SOX6: variants seen among roughly 807,000 people sequenced by gnomAD.
The protein encoded by SOX6 is transcription factor SOX-6.
SOX6 carries 11 observed loss-of-function variants against 97.8 expected under a neutral mutation model. The ratio of observed to expected loss-of-function variants is 0.11; its 90% CI spans 0.07 to 0.19. SOX6 has a LOEUF of 0.19. SOX6 is among the 10% of genes least tolerant of loss of function. The pLI is 1.00. For synonymous variants in SOX6, 360 were observed against 371.4 expected (o/e 0.97, Z 0.35); for missense variants, 810 against 1,039.5 (o/e 0.78, Z 3.04).
intron 12 of SOX6, among the ~76,000 whole-genome samples, chr11:16,036,422 T>C (rs189779426): frequency 6.6e-6 from 1 of 152,282 alleles, no homozygotes; most frequent in Admixed American, 6.5e-5. Context: ...TGCTGACTAA[T>C]GGTCTTTCTG....
At chr11:16,091,702 G>A (rs1433656616) in intron 9 of SOX6, among the ~76,000 whole-genome samples, 1 of 151,940 alleles carries the variant, frequency 6.6e-6, no homozygotes, top group Non-Finnish European at 1.5e-5. Flanking sequence ...AATAACGTAT[G>A]GTTGACAGGT....
intron 3 of SOX6, among the ~76,000 whole-genome samples, chr11:16,243,367 G>A (rs569209019): frequency 6.6e-6 from 1 of 151,742 alleles, no homozygotes; most frequent in South Asian, 2.1e-4. Flanking sequence ...TGATGGTCAG[G>A]GAATGTTTCT....
chr11:16,309,056 G>A (rs867941007), intron 3 of SOX6, among the ~76,000 whole-genome samples: 2 of 152,196 alleles, frequency 1.3e-5, no homozygotes, highest in Non-Finnish European at 2.9e-5. Flanking sequence ...ATGCATGCAC[G>A]TGCGTGCACA....
intron 3 of SOX6, among the ~76,000 whole-genome samples, chr11:16,630,253 C>T (rs759447050): frequency 2.6e-5 from 4 of 152,112 alleles, no homozygotes; most frequent in Non-Finnish European, 4.4e-5. Flanking sequence ...TTCAACATTG[C>T]TTTTACTGCA....
At chr11:16,079,702 TGTA>T (rs994547233) in intron 9 of SOX6, among the ~76,000 whole-genome samples, 3 of 152,172 alleles carry the variant, frequency 2.0e-5, no homozygotes, top group African/African-American at 4.8e-5. Context: ...CATTTTCTTC[TGTA>T]TTTTTTAAAT....
In SOX6 at chr11:16,498,588, G is replaced by T. The variant is rs181687397; in HGVS notation, n.610-22200C>A. 5.9e-5 allele frequency among the ~76,000 whole-genome samples: 9 copies of T among 152,178 alleles called. No individual in the cohort carries two copies. The East Asian group carries it at 1.5e-3, about 26-fold the overall frequency. On this transcript the variant is annotated intron_variant and non_coding_transcript_variant, in intron 4 of 5. Coordinates refer to the SOX6 transcript ENST00000524520. The stretch of plus-strand genomic sequence containing the variant: ...CATCTCACGTGCAGAGACACACATA[G>T]GCTCAAAATAAAGGGATGGAGGAAG...
At position 16,370,222 on chromosome 11, in the gene SOX6, C is replaced by T. The variant is rs568165877; in HGVS notation, c.-4-28970G>A. On this transcript the variant is annotated intron_variant, in intron 1 of 15. Coordinates refer to the SOX6 transcript ENST00000396356. ...CCATCAGCCCCATGGCTGGTAGCTG[C>T]TTCATACAGTTATTAATATCTGGGT... is the stretch of plus-strand genomic sequence containing the variant. Among the ~76,000 whole-genome samples the T allele has an allele frequency of 1.3e-4, 20 of 152,264 alleles. No homozygotes were observed. In the South Asian group the frequency reaches 4.1e-3, roughly 32 times the overall value.
At chr11:16,364,377 A>T (rs1857292534) in intron 1 of SOX6, among the ~76,000 whole-genome samples, 1 of 152,160 alleles carries the variant, frequency 6.6e-6, no homozygotes, top group African/African-American at 2.4e-5. Flanking sequence ...CAGCCTATCT[A>T]CTAGCCTAGC....
chr11:15,986,413 G>A lies in SOX6; in HGVS notation c.1974C>T (p.Arg658=), dbSNP rs746313295. Residue 658 remains arginine, a synonymous_variant, in exon 15 of 16, where the codon CGC becomes CGT. Transcript: ENST00000683767. ...TCTCCTGGTTGGACATTGATTTCCA[G>A]CGAGATCCTAGAAATAAAAATAGCC... ...NSNISKILGS[R]WKSMSNQEKQ... 6.2e-6 allele frequency: 10 copies of A among 1,613,938 alleles called. No homozygotes were observed. The Admixed American group carries it at 1.0e-4, about 16-fold the overall frequency.
At chr11:16,663,420 T>TCAA (rs1342015757) in intron 3 of SOX6, among the ~76,000 whole-genome samples, 1 of 152,164 alleles carries the variant, frequency 6.6e-6, no homozygotes, top group Admixed American at 6.5e-5. Context: ...ACTCCTGGGC[T>TCAA]CAAGGGATCC....
intron 4 of SOX6, among the ~76,000 whole-genome samples, chr11:16,542,992 A>G (rs1181627486): frequency 2.0e-5 from 3 of 152,156 alleles, no homozygotes; most frequent in East Asian, 3.9e-4. Context: ...CCAAATCAAG[A>G]ACAGTCTACA....
intron 4 of SOX6, among the ~76,000 whole-genome samples, chr11:16,602,104 C>T (rs1185010087): frequency 6.6e-6 from 1 of 152,150 alleles, no homozygotes; most frequent in Non-Finnish European, 1.5e-5. Context: ...ATAAAGAACT[C>T]AATTTTTTGT....
At chr11:16,677,561 G>A (rs953522496) in intron 3 of SOX6, among the ~76,000 whole-genome samples, 2 of 152,136 alleles carry the variant, frequency 1.3e-5, no homozygotes, top group Non-Finnish European at 2.9e-5. Flanking sequence ...ATTCCTCAGA[G>A]GAAAGTCCAC....
chr11:16,484,187 A>G, intron 4 of SOX6: 1 of 794,612 alleles, frequency 1.3e-6, no homozygotes, highest in South Asian at 1.3e-5. Flanking sequence ...GAAATGGTTG[A>G]AGTTGGAGAT....
At chr11:16,637,323 C>T (rs987258113) in intron 3 of SOX6, among the ~76,000 whole-genome samples, 5 of 152,146 alleles carry the variant, frequency 3.3e-5, no homozygotes, top group South Asian at 2.1e-4. Flanking sequence ...TGGGTTCCAA[C>T]GATTCTCCTG....
rs183264093 is a variant in SOX6 at position 16,377,574 on chromosome 11, T to C, written c.-4-36322A>G. On this transcript the variant is annotated intron_variant, in intron 1 of 15. Coordinates refer to the SOX6 transcript ENST00000396356. ...ACAAAAAAAGAAAAACAATTTAAGA[T>C]GGAAAAAAACATCCACTTGAAGACA... is the stretch of plus-strand genomic sequence containing the variant. Among the ~76,000 whole-genome samples the C allele has an allele frequency of 7.2e-5, 11 of 152,260 alleles. 1 individual carries two copies. Among genetic ancestry groups the C allele is most frequent in the African/African-American group, 2.2e-4 (9 of 41,572 alleles).
chr11:15,985,986 C>G (rs1033859916), intron 15 of SOX6, among the ~76,000 whole-genome samples: 9 of 152,140 alleles, frequency 5.9e-5, no homozygotes, highest in Admixed American at 3.3e-4. Context: ...GGGTGATCAG[C>G]TGGGAGTGAA....
rs185804150 is a variant in SOX6 at position 16,562,245 on chromosome 11, A to G, written n.609+49836T>C. On this transcript the variant is annotated intron_variant and non_coding_transcript_variant, in intron 4 of 5. Coordinates refer to the SOX6 transcript ENST00000524520. Reference sequence around the variant, plus strand: ...CCTGGACACTGTATATAAGACAAACATAAGAGGACTCTAAAAAGTGGAAAG... The same window carrying G: ...CCTGGACACTGTATATAAGACAAACGTAAGAGGACTCTAAAAAGTGGAAAG... 1.1e-3 allele frequency among the ~76,000 whole-genome samples: 175 copies of G among 152,310 alleles called. 2 individuals carry two copies. Among genetic ancestry groups the G allele is most frequent in the Non-Finnish European group, 3.4e-4 (23 of 68,026 alleles).
At chr11:16,458,976 G>A (rs1290731732) in intron 1 of SOX6, among the ~76,000 whole-genome samples, 1 of 152,012 alleles carries the variant, frequency 6.6e-6, no homozygotes, top group Non-Finnish European at 1.5e-5. Context: ...AAAGATACCT[G>A]CATATAGAGT....
Sources: gnomAD v4.1 joint callset for allele counts (sites outside exome capture counted in the v4.1 genomes callset) on GRCh38, gnomAD v4.1.1 for gene constraint, MANE v1.5 for transcripts, NCBI Gene and HGNC (gene_info 2026-07-23, HGNC 2026-07-21) for gene names.